PCLO: variants seen among roughly 807,000 people sequenced by gnomAD.
PCLO encodes the protein protein piccolo.
A neutral mutation model predicts 427.5 loss-of-function variants in PCLO; 82 were observed. That is an observed-to-expected ratio of 0.19 (90% CI 0.16 to 0.23). The LOEUF is 0.23. Ranked by LOEUF, PCLO falls within the 10% of genes least tolerant of loss-of-function variation. The pLI is 1.00. For synonymous variants in PCLO, 2,357 were observed against 2,155.4 expected (o/e 1.09, Z -2.59); for missense variants, 6,239 against 6,115.9 (o/e 1.02, Z -0.67).
At chr7:82,878,110 C>T (rs1793418390) in intron 10 of PCLO, among the ~76,000 whole-genome samples, 1 of 152,172 alleles carries the variant, frequency 6.6e-6, no homozygotes. Context: ...ATTGTAAATG[C>T]TGCCACTATA....
intron 3 of PCLO, among the ~76,000 whole-genome samples, chr7:82,968,189 G>A (rs1584234457): frequency 6.6e-6 from 1 of 152,186 alleles, no homozygotes; most frequent in South Asian, 2.1e-4. Flanking sequence ...GTGGTAAAAT[G>A]CTGCCAATAA....
At chr7:82,908,752 GA>G (rs1480779123) in intron 8 of PCLO, 124 bp downstream of exon 8, 1 of 857,174 alleles carries the variant, frequency 1.2e-6, no homozygotes, top group Non-Finnish European at 1.8e-6. Context: ...TATGTTATTG[GA>G]AAAAATCATT....
chr7:82,971,526 TATAG>T (rs1226054926), intron 3 of PCLO, among the ~76,000 whole-genome samples: 1 of 147,842 alleles, frequency 6.8e-6, no homozygotes, highest in African/African-American at 2.5e-5. Flanking sequence ...TCTATATGTG[TATAG>T]ATATAGATCT....
rs1794474953 is a variant in PCLO at position 82,916,694 on chromosome 7, C to T, written c.11292G>A (p.Gln3764=). The change falls in exon 7 of 25, where the codon CAG becomes CAA. Residue 3764 remains glutamine, a synonymous_variant. Transcript: ENST00000333891. ...CAAGATCAAGCTCTCTGTCTATGTC[C>T]TGGAGAATCTTGGCTCGTGCCATTG... ...TNTMARAKIL[Q]DIDRELDLVE... is the part of the protein sequence containing the mutation. 3 of 1,613,642 alleles carry T rather than the reference C, an allele frequency of 1.9e-6. 1 individual carries two copies. In the Admixed American group the frequency reaches 5.0e-5, roughly 27 times the overall value.
chr7:83,132,562 C>T (rs1791600670), intron 3 of PCLO, among the ~76,000 whole-genome samples: 1 of 152,048 alleles, frequency 6.6e-6, no homozygotes, highest in Non-Finnish European at 1.5e-5. Context: ...TCTCATTAGA[C>T]TTCCAAATAT....
At chr7:83,093,327 G>T (rs920657023) in intron 3 of PCLO, among the ~76,000 whole-genome samples, 2 of 150,492 alleles carry the variant, frequency 1.3e-5, no homozygotes, top group African/African-American at 2.5e-5. Flanking sequence ...AATTTTCCAA[G>T]ATAAAATTAT....
At chr7:83,077,174 A>T (rs894199196) in intron 3 of PCLO, among the ~76,000 whole-genome samples, 1 of 152,150 alleles carries the variant, frequency 6.6e-6, no homozygotes, top group African/African-American at 2.4e-5. Flanking sequence ...TATAGCAAAG[A>T]AGTGGTATTT....
intron 9 of PCLO, among the ~76,000 whole-genome samples, chr7:82,900,679 A>G (rs900859240): frequency 2.6e-5 from 4 of 151,714 alleles, no homozygotes; most frequent in African/African-American, 9.7e-5. Flanking sequence ...GCAATGTGGG[A>G]TCCTAAATTG....
chr7:83,073,791 T>A (rs886994299), intron 3 of PCLO, among the ~76,000 whole-genome samples: 3 of 151,244 alleles, frequency 2.0e-5, no homozygotes, highest in Admixed American at 6.6e-5. Flanking sequence ...TAAATTTTTT[T>A]AATTTTTAGT....
rs780885885 is a variant in PCLO at position 82,954,145 on chromosome 7, C to T, written c.6808G>A (p.Ala2270Thr). The change falls in exon 5 of 25, where the codon GCA (alanine) becomes ACA (threonine). Residue 2270 changes from alanine to threonine, a missense_variant. Transcript: ENST00000333891. ...ACTACAGATTCTATGATAGAAGATG[C>T]CATATCAGATAAGGAAATAACAATA... The part of the protein sequence containing the change: ...DHIVISLSDM[A>T]SSIIESVVPK... 5.0e-6 allele frequency: 8 copies of T among 1,613,842 alleles called. No homozygotes were observed. Among genetic ancestry groups the T allele is most frequent in the Non-Finnish European group, 5.9e-6 (7 of 1,179,814 alleles).
At chr7:82,863,539 T>C (rs1584067639) in intron 10 of PCLO, among the ~76,000 whole-genome samples, 2 of 151,948 alleles carry the variant, frequency 1.3e-5, no homozygotes. Context: ...TCAATCTCTT[T>C]AATAAATAGA....
At chr7:82,999,334 TC>T (rs1210004192) in intron 3 of PCLO, among the ~76,000 whole-genome samples, 18 of 137,568 alleles carry the variant, frequency 1.3e-4, no homozygotes, top group Non-Finnish European at 7.6e-5. Flanking sequence ...AATAAATATA[TC>T]CATATATATT....
intron 22 of PCLO, among the ~76,000 whole-genome samples, chr7:82,788,199 A>G (rs980569371): frequency 6.8e-6 from 1 of 147,692 alleles, no homozygotes; most frequent in Admixed American, 6.8e-5. Context: ...AATTTAATAT[A>G]TATTTAATAT....
intron 20 of PCLO, chr7:82,822,023 G>C: frequency 1.0e-6 from 1 of 991,342 alleles, no homozygotes; most frequent in Non-Finnish European, 1.2e-6. Flanking sequence ...ATTATCTTCT[G>C]CCTAGACTTT....
chr7:82,847,851 C>G (rs1792544540), intron 10 of PCLO, among the ~76,000 whole-genome samples: 1 of 152,120 alleles, frequency 6.6e-6, no homozygotes, highest in Non-Finnish European at 1.5e-5. Flanking sequence ...GACCTGTGCA[C>G]TAGTACAAGG....
chr7:82,925,016 T>C (rs1306210543), intron 6 of PCLO, among the ~76,000 whole-genome samples: 1 of 152,142 alleles, frequency 6.6e-6, no homozygotes, highest in Non-Finnish European at 1.5e-5. Context: ...TAGGGTCATT[T>C]GTCCCATTTT....
intron 3 of PCLO, among the ~76,000 whole-genome samples, chr7:83,124,081 C>G (rs1469431318): frequency 6.7e-6 from 1 of 148,732 alleles, no homozygotes; most frequent in Admixed American, 6.7e-5. Flanking sequence ...CTTTGGGAGG[C>G]GGGCGGATCA....
intron 9 of PCLO, among the ~76,000 whole-genome samples, chr7:82,901,417 A>C (rs1289733098): frequency 1.3e-5 from 2 of 152,178 alleles, no homozygotes; most frequent in Admixed American, 6.6e-5. Flanking sequence ...CTTATACAAA[A>C]ATTAATTCAA....
intron 10 of PCLO, among the ~76,000 whole-genome samples, chr7:82,866,110 G>A (rs2115948193): frequency 6.6e-6 from 1 of 152,202 alleles, no homozygotes; most frequent in South Asian, 2.1e-4. Flanking sequence ...GCATGCTCTT[G>A]CTCAGGATAT....
Sources: gnomAD v4.1 joint callset for allele counts (sites outside exome capture counted in the v4.1 genomes callset) on GRCh38, gnomAD v4.1.1 for gene constraint, MANE v1.5 for transcripts, NCBI Gene and HGNC (gene_info 2026-07-23, HGNC 2026-07-21) for gene names.